Variants in SEMA3D observed in about 807,000 individuals in gnomAD.
SEMA3D encodes semaphorin 3D, also known as semaphorin-3D.
Under a neutral mutation model 100.1 loss-of-function variants are expected in SEMA3D, and 84 were observed. The observed-to-expected ratio is 0.84, with a 90% CI of 0.70 to 1.01. The LOEUF (loss-of-function observed/expected upper bound fraction) is 1.01. Ranked by LOEUF, SEMA3D falls within the 50% of genes least tolerant of loss-of-function variation. SEMA3D has a pLI of 0.00. For missense variants in SEMA3D, 875 were observed against 934.1 expected (o/e 0.94, Z 0.82); for synonymous variants, 312 against 320.7 (o/e 0.97, Z 0.29).
At chr7:85,093,474 C>A (rs1207177905) in intron 4 of SEMA3D, among the ~76,000 whole-genome samples, 1 of 151,950 alleles carries the variant, frequency 6.6e-6, no homozygotes, top group Non-Finnish European at 1.5e-5. Context: ...TAATGCCAAT[C>A]CCAAGAGTGG....
At chr7:85,030,756 A>G (rs1036172386) in intron 12 of SEMA3D, among the ~76,000 whole-genome samples, 2 of 152,010 alleles carry the variant, frequency 1.3e-5, no homozygotes, top group Non-Finnish European at 2.9e-5. Flanking sequence ...ACCAACTATC[A>G]AGTTGGAAAT....
At chr7:85,028,027 CT>C in intron 12 of SEMA3D, 1 of 580,072 alleles carries the variant, frequency 1.7e-6, no homozygotes. Flanking sequence ...GCCAGCATGG[CT>C]TTTGATGCCA....
At chr7:85,039,776 C>A (rs1790803592) in intron 11 of SEMA3D, among the ~76,000 whole-genome samples, 1 of 152,046 alleles carries the variant, frequency 6.6e-6, no homozygotes, top group African/African-American at 2.4e-5. Flanking sequence ...AACAGCCACA[C>A]CTGTCTTTGT....
intron 3 of SEMA3D, among the ~76,000 whole-genome samples, chr7:85,105,851 GTCTGTGT>G (rs1705432564): frequency 6.6e-6 from 1 of 152,034 alleles, no homozygotes; most frequent in African/African-American, 2.4e-5. Context: ...ATGTCATGGG[GTCTGTGT>G]TCTTGCCAAG....
At chr7:85,213,881 A>T in the SEMA3D span, among the ~76,000 whole-genome samples, 1 of 152,118 alleles carries the variant, frequency 6.6e-6, no homozygotes, top group African/African-American at 2.4e-5. Flanking sequence ...ACATTTCTAG[A>T]TGTGGCTCTC....
chr7:85,104,536 T>C (rs1246254965), intron 3 of SEMA3D, among the ~76,000 whole-genome samples: 1 of 152,008 alleles, frequency 6.6e-6, no homozygotes, highest in Non-Finnish European at 1.5e-5. Context: ...CTTAATACAA[T>C]TGTTCATTCA....
At chr7:85,214,885 C>T in the SEMA3D span, among the ~76,000 whole-genome samples, 30 of 152,168 alleles carry the variant, frequency 2.0e-4, no homozygotes, top group African/African-American at 6.0e-4. Flanking sequence ...AAACTATGTA[C>T]GTATGTACAT....
chr7:85,239,623 A>G, the SEMA3D span, among the ~76,000 whole-genome samples: 1 of 152,148 alleles, frequency 6.6e-6, no homozygotes, highest in Admixed American at 6.5e-5. Context: ...CTCTCAATAT[A>G]TGCTTCATAA....
At chr7:85,126,190 T>C (rs1789560083) in intron 2 of SEMA3D, among the ~76,000 whole-genome samples, 1 of 152,152 alleles carries the variant, frequency 6.6e-6, no homozygotes, top group Non-Finnish European at 1.5e-5. Flanking sequence ...GCAAGAAATA[T>C]GAAATTTTAC....
At chr7:85,192,993 T>C in the SEMA3D span, among the ~76,000 whole-genome samples, 1 of 152,174 alleles carries the variant, frequency 6.6e-6, no homozygotes, top group East Asian at 1.9e-4. Flanking sequence ...TTACAAAAGA[T>C]GATAACATAG....
chr7:85,236,569 G>GTCA, the SEMA3D span, among the ~76,000 whole-genome samples: 12,436 of 151,950 alleles, frequency 0.082, 1,297 homozygotes, highest in African/African-American at 0.24. Context: ...GCCTCCCAAA[G>GTCA]TGCTGGGATT....
At chr7:85,249,545 A>G in the SEMA3D span, among the ~76,000 whole-genome samples, 1 of 152,186 alleles carries the variant, frequency 6.6e-6, no homozygotes, top group Non-Finnish European at 1.5e-5. Flanking sequence ...TGAGCCAACT[A>G]TCCCTTGAAA....
chr7:85,246,529 C>T, the SEMA3D span, among the ~76,000 whole-genome samples: 351 of 151,792 alleles, frequency 2.3e-3, 1 homozygote, highest in African/African-American at 7.9e-3. Context: ...ATATGTGAAA[C>T]GCTTAATTGT....
chr7:85,208,084 T>C, the SEMA3D span, among the ~76,000 whole-genome samples: 1 of 152,014 alleles, frequency 6.6e-6, no homozygotes, highest in African/African-American at 2.4e-5. Flanking sequence ...AATGTGGTAA[T>C]TAACAAAAGA....
chr7:85,154,059 C>T (rs1253162676), intron 1 of SEMA3D, among the ~76,000 whole-genome samples: 1 of 151,914 alleles, frequency 6.6e-6, no homozygotes, highest in Non-Finnish European at 1.5e-5. Context: ...TGTCTGGGCA[C>T]CCCATGGCCC....
chr7:85,105,813 C>T (rs1788903512), intron 3 of SEMA3D, among the ~76,000 whole-genome samples: 1 of 152,000 alleles, frequency 6.6e-6, no homozygotes, highest in Non-Finnish European at 1.5e-5. Context: ...CATAGGGAAA[C>T]ATAAATTAGA....
intron 2 of SEMA3D, among the ~76,000 whole-genome samples, chr7:85,149,598 C>T (rs1583969291): frequency 6.6e-6 from 1 of 152,034 alleles, no homozygotes. Context: ...TATTATAAAT[C>T]GTAGGGAATA....
At position 85,063,459 on chromosome 7, in the gene SEMA3D, C is replaced by A. The variant is rs568282824; in HGVS notation, c.718+1965G>T. Among the ~76,000 whole-genome samples, 6 of 152,262 alleles carry A rather than the reference C, an allele frequency of 3.9e-5. No individual in the cohort carries two copies. In the South Asian group the frequency reaches 1.2e-3, roughly 32 times the overall value. On this transcript the variant is annotated intron_variant, in intron 8 of 18. Coordinates refer to ENST00000284136, the MANE Select transcript of SEMA3D (RefSeq NM_001384900.1). Reference sequence around the variant, plus strand: ...ACTTCCTCTACCATTTGTCTTTTCTCCTACCTTCAATTTATTTTATTCTAC... The same window carrying A: ...ACTTCCTCTACCATTTGTCTTTTCTACTACCTTCAATTTATTTTATTCTAC...
intron 12 of SEMA3D, chr7:85,028,892 T>G (rs1484706895): frequency 4.1e-6 from 1 of 244,848 alleles, no homozygotes. Context: ...GCATCTTCAA[T>G]GGAAAATAGC....
Sources: allele counts gnomAD v4.1 joint callset (sites outside exome capture counted in the v4.1 genomes callset), GRCh38; gene constraint gnomAD v4.1.1; transcripts MANE v1.5; gene names NCBI Gene and HGNC (gene_info 2026-07-23, HGNC 2026-07-21).